XKR9: variants seen among roughly 807,000 people sequenced by gnomAD.
XKR9 encodes XK-related protein 9.
Under a neutral mutation model 32.0 loss-of-function variants are expected in XKR9, and 32 were observed. The ratio of observed to expected loss-of-function variants is 1.00; its 90% CI spans 0.76 to 1.34. The LOEUF is 1.34. Ranked by LOEUF, XKR9 falls within the 40% of genes most tolerant of loss-of-function variation. XKR9 has a pLI of 0.00. For synonymous variants in XKR9, 168 were observed against 143.4 expected, an observed-to-expected ratio of 1.17 and a Z score of -1.22; for missense variants, 546 against 429.7, an observed-to-expected ratio of 1.27 and a Z score of -2.39.
intron 3 of XKR9, among the ~76,000 whole-genome samples, chr8:70,694,011 T>C (rs1051430623): frequency 3.3e-5 from 5 of 150,742 alleles, no homozygotes; most frequent in African/African-American, 1.2e-4. Context: ...ACCTGCCCAG[T>C]GAGGAGATAT....
At chr8:70,859,520 T>C in the XKR9 span, among the ~76,000 whole-genome samples, 1 of 152,114 alleles carries the variant, frequency 6.6e-6, no homozygotes. Context: ...AAGAAGATCA[T>C]TATATTGAAA....
chr8:71,005,428 T>G, the XKR9 span, among the ~76,000 whole-genome samples: 1 of 151,976 alleles, frequency 6.6e-6, no homozygotes, highest in Non-Finnish European at 1.5e-5. Flanking sequence ...TTCATCATGT[T>G]GGCCAGGCTG....
chr8:71,063,083 G>C, the XKR9 span, among the ~76,000 whole-genome samples: 7 of 152,106 alleles, frequency 4.6e-5, no homozygotes, highest in Non-Finnish European at 8.8e-5. Context: ...TAGCATCTTT[G>C]CTAATCTAAT....
the XKR9 span, among the ~76,000 whole-genome samples, chr8:70,902,056 C>G: frequency 9.2e-5 from 14 of 152,214 alleles, no homozygotes; most frequent in African/African-American, 3.4e-4. Context: ...GTTACTGTAG[C>G]CTTGTAGTAT....
chr8:71,006,185 G>T, the XKR9 span, among the ~76,000 whole-genome samples: 2 of 152,246 alleles, frequency 1.3e-5, no homozygotes, highest in African/African-American at 2.4e-5. Context: ...AGTGGACATT[G>T]ACATTATGAG....
the XKR9 span, among the ~76,000 whole-genome samples, chr8:70,858,201 G>T: frequency 5.0e-4 from 76 of 152,282 alleles, 1 homozygote; most frequent in South Asian, 2.3e-3. Flanking sequence ...TGACATGATT[G>T]TATATCTAGA....
chr8:70,716,564 C>A (rs1806097123), intron 4 of XKR9, among the ~76,000 whole-genome samples: 1 of 152,062 alleles, frequency 6.6e-6, no homozygotes, highest in Admixed American at 6.5e-5. Context: ...CTTGTGAGAA[C>A]CTACTATCAC....
At chr8:70,726,886 T>C (rs974814772) in intron 4 of XKR9, among the ~76,000 whole-genome samples, 10 of 152,156 alleles carry the variant, frequency 6.6e-5, no homozygotes, top group Admixed American at 5.9e-4. Flanking sequence ...CTGCTCCTCC[T>C]CTCATCAAAC....
the XKR9 span, among the ~76,000 whole-genome samples, chr8:70,900,168 C>T: frequency 8.6e-5 from 13 of 151,990 alleles, no homozygotes; most frequent in Non-Finnish European, 1.2e-4. Flanking sequence ...AGAAAGGTTA[C>T]TTCCCACTCC....
the XKR9 span, among the ~76,000 whole-genome samples, chr8:71,047,250 C>T: frequency 5.9e-5 from 9 of 152,280 alleles, no homozygotes; most frequent in African/African-American, 2.2e-4. Context: ...ATTCTAGTGT[C>T]CTGTCTTGTT....
At chr8:70,830,417 CAAA>C in the XKR9 span, among the ~76,000 whole-genome samples, 2 of 99,902 alleles carry the variant, frequency 2.0e-5, no homozygotes, top group African/African-American at 3.7e-5. Flanking sequence ...CTTGTCTTTA[CAAA>C]AAAAAAAAAA....
the XKR9 span, among the ~76,000 whole-genome samples, chr8:70,961,606 A>C: frequency 2.0e-5 from 3 of 152,236 alleles, no homozygotes; most frequent in African/African-American, 7.2e-5. Context: ...AAAAATATCT[A>C]TATACATTTC....
chr8:70,701,018 C>G (rs1586831609), intron 3 of XKR9, among the ~76,000 whole-genome samples: 1 of 152,196 alleles, frequency 6.6e-6, no homozygotes, highest in Admixed American at 6.5e-5. Flanking sequence ...TGCTGGTGTG[C>G]CGTTTTTTAA....
intron 4 of XKR9, among the ~76,000 whole-genome samples, chr8:70,717,154 G>T (rs1197999633): frequency 6.6e-6 from 1 of 152,154 alleles, no homozygotes; most frequent in Non-Finnish European, 1.5e-5. Flanking sequence ...CTGCTTTCCT[G>T]GCCTGGCATT....
the XKR9 span, among the ~76,000 whole-genome samples, chr8:70,984,057 A>G: frequency 6.6e-6 from 1 of 152,236 alleles, no homozygotes; most frequent in African/African-American, 2.4e-5. Flanking sequence ...ATATGAAATT[A>G]TCTTTATTTT....
the XKR9 span, among the ~76,000 whole-genome samples, chr8:70,863,013 A>C: frequency 1.3e-5 from 2 of 152,064 alleles, no homozygotes; most frequent in South Asian, 4.1e-4. Context: ...GAGTTGTTTG[A>C]GGAGTAGAAA....
At chr8:70,855,549 C>A in the XKR9 span, among the ~76,000 whole-genome samples, 1 of 152,204 alleles carries the variant, frequency 6.6e-6, no homozygotes. Flanking sequence ...TTGCAAAACA[C>A]TCTGCAGGAT....
At chr8:71,034,276 C>T in the XKR9 span, among the ~76,000 whole-genome samples, 5 of 152,124 alleles carry the variant, frequency 3.3e-5, no homozygotes, top group East Asian at 3.9e-4. Flanking sequence ...TCATGAGATC[C>T]GATGGTTTTA....
At chr8:70,758,525 T>C (rs922659576) in intron 2 of XKR9, among the ~76,000 whole-genome samples, 9 of 152,326 alleles carry the variant, frequency 5.9e-5, no homozygotes, top group East Asian at 3.9e-4. Context: ...CTTTATAGTT[T>C]AGGCACCCAT....
Sources: allele counts gnomAD v4.1 joint callset (sites outside exome capture counted in the v4.1 genomes callset), GRCh38; gene constraint gnomAD v4.1.1; transcripts MANE v1.5; gene names NCBI Gene and HGNC (gene_info 2026-07-23, HGNC 2026-07-21).